The following KIAA2012 variants were observed in gnomAD, a reference collection of about 807,000 sequenced individuals.
The protein encoded by KIAA2012 is KIAA2012, also known as uncharacterized protein KIAA2012.
In KIAA2012, 125 loss-of-function variants were observed where a neutral mutation model predicts 150.6. The ratio of observed to expected loss-of-function variants is 0.83; its 90% CI spans 0.72 to 0.96. The LOEUF is 0.96. KIAA2012 is among the 40% of genes least tolerant of loss of function. KIAA2012 has a pLI of 0.00. For missense variants in KIAA2012, 1,219 were observed against 1,354.9 expected, an observed-to-expected ratio of 0.90 and a Z score of 1.57; for synonymous variants, 462 against 504.7, an observed-to-expected ratio of 0.92 and a Z score of 1.13.
intron 22 of KIAA2012, among the ~76,000 whole-genome samples, chr2:202,200,443 G>A (rs1350632426): frequency 3.3e-5 from 5 of 152,170 alleles, no homozygotes; most frequent in East Asian, 1.9e-4. Context: ...GGGCACAGAG[G>A]GGGTTTCAGA....
intron 11 of KIAA2012, among the ~76,000 whole-genome samples, chr2:202,119,809 C>T (rs115834978): frequency 0.017 from 2,659 of 152,292 alleles, 75 homozygotes; most frequent in African/African-American, 0.059. Context: ...TCGAGACCAA[C>T]CTGAGTGATA....
At chr2:202,162,166 A>G (rs2030489) in intron 14 of KIAA2012, among the ~76,000 whole-genome samples, 149,432 of 152,108 alleles carry the variant, frequency 0.98, 73,449 homozygotes, top group East Asian at 1. Flanking sequence ...TCCCCTTCCT[A>G]GAATGTATAA....
At chr2:202,120,902 T>G (rs1559211496) in intron 11 of KIAA2012, among the ~76,000 whole-genome samples, 1 of 152,220 alleles carries the variant, frequency 6.6e-6, no homozygotes, top group Non-Finnish European at 1.5e-5. Flanking sequence ...AGCTAAATTC[T>G]AATAATAGAA....
Position 202,090,802 on chromosome 2 carries a change from C to T in KIAA2012, c.402C>T (p.Leu134=). ...GEQDRAWQPY[L]HFRSQLESQA... ...AGGACAGAGCCTGGCAACCATACCT[C>T]CACTTCCGAAGCCAGCTGGAGAGCC... Residue 134 remains leucine, a synonymous_variant, in exon 3 of 24, where the codon CTC becomes CTT. Coordinates refer to ENST00000498697, the MANE Select transcript of KIAA2012 (RefSeq NM_001277372.4). The T allele has an allele frequency of 1.3e-6, 2 of 1,550,560 alleles. No individual in the cohort carries two copies. Among genetic ancestry groups the T allele is most frequent in the Non-Finnish European group, 1.7e-6 (2 of 1,146,938 alleles).
chr2:202,142,264 C>G (rs1224263955), intron 13 of KIAA2012, among the ~76,000 whole-genome samples: 1 of 152,168 alleles, frequency 6.6e-6, no homozygotes, highest in African/African-American at 2.4e-5. Flanking sequence ...TGGTGGAACA[C>G]AGTCTTGGTT....
intron 22 of KIAA2012, among the ~76,000 whole-genome samples, chr2:202,198,161 C>G (rs1393735989): frequency 3.0e-5 from 3 of 100,652 alleles, no homozygotes; most frequent in Non-Finnish European, 5.5e-5. Context: ...GCGACAAGAG[C>G]AAGGCTCTTT....
Position 202,104,980 on chromosome 2 carries a change from C to G in KIAA2012, c.1325-781C>G, listed in dbSNP as rs574378913. ...CTTAAAGCCAGATGCACTGAGCTTA[C>G]CAACACACTGACAATGAAACACAGG... On this transcript the variant is annotated intron_variant, in intron 8 of 23. Transcript: ENST00000498697. The surrounding 1 kb of genome is among the most constrained non-coding windows in gnomAD (Gnocchi z 4.3). Among the ~76,000 whole-genome samples the G allele has an allele frequency of 6.6e-6, 1 of 152,310 alleles. No individual in the cohort carries two copies. The highest frequency in any genetic ancestry group is 2.4e-5 in the African/African-American group (1 of 41,564).
At chr2:202,156,658 GGC>G (rs1691533941) in intron 14 of KIAA2012, among the ~76,000 whole-genome samples, 1 of 152,164 alleles carries the variant, frequency 6.6e-6, no homozygotes, top group Non-Finnish European at 1.5e-5. Context: ...GGCCAAGGCG[GGC>G]AGATCACGAG....
intron 13 of KIAA2012, 131 bp downstream of exon 13, chr2:202,138,639 G>A (rs538383236): frequency 6.6e-6 from 4 of 607,668 alleles, no homozygotes; most frequent in South Asian, 6.4e-5. Context: ...AGTAAAATGA[G>A]ACAAGTAGAC....
intron 11 of KIAA2012, among the ~76,000 whole-genome samples, chr2:202,124,188 T>A (rs927829499): frequency 6.6e-5 from 10 of 152,086 alleles, no homozygotes; most frequent in Non-Finnish European, 1.0e-4. Flanking sequence ...CGAAACTCTA[T>A]CTCAAAAAAT....
At chr2:202,131,872 G>A (rs1690937973) in intron 12 of KIAA2012, among the ~76,000 whole-genome samples, 1 of 152,114 alleles carries the variant, frequency 6.6e-6, no homozygotes, top group Admixed American at 6.5e-5. Context: ...AGATCATAAA[G>A]GGCCATAGAA....
At chr2:202,152,267 TC>T (rs1574294135) in intron 13 of KIAA2012, among the ~76,000 whole-genome samples, 1 of 152,156 alleles carries the variant, frequency 6.6e-6, no homozygotes, top group East Asian at 1.9e-4. Context: ...CTCAAAACAT[TC>T]CATCAAGTTA....
intron 15 of KIAA2012, among the ~76,000 whole-genome samples, 188 bp from the exon 16 acceptor site, chr2:202,184,564 AT>A (rs1188978150): frequency 6.6e-6 from 1 of 152,102 alleles, no homozygotes; most frequent in African/African-American, 2.4e-5. Flanking sequence ...TTTAATACTA[AT>A]TTTAATGTTA....
intron 15 of KIAA2012, among the ~76,000 whole-genome samples, chr2:202,175,685 T>C (rs1049588418): frequency 6.6e-6 from 1 of 152,248 alleles, no homozygotes; most frequent in Non-Finnish European, 1.5e-5. Flanking sequence ...ATCTTGAACT[T>C]TCCAGCCTCT....
chr2:202,124,175 G>C (rs1392779354), intron 11 of KIAA2012, among the ~76,000 whole-genome samples: 3 of 152,120 alleles, frequency 2.0e-5, no homozygotes, highest in Admixed American at 6.5e-5. Flanking sequence ...CCTGGTGACA[G>C]AGCGAAACTC....
intron 11 of KIAA2012, chr2:202,115,196 C>A (rs539831772): frequency 1.3e-5 from 2 of 152,060 alleles, no homozygotes; most frequent in African/African-American, 4.8e-5. Flanking sequence ...AAAGTAATTG[C>A]GGTTTTGCCA....
At chr2:202,185,442 GC>G (rs1481197197) in intron 16 of KIAA2012, among the ~76,000 whole-genome samples, 1 of 152,050 alleles carries the variant, frequency 6.6e-6, no homozygotes, top group Non-Finnish European at 1.5e-5. Flanking sequence ...GCTGTCACCT[GC>G]CCAGGGATGT....
At position 202,125,077 on chromosome 2, in the gene KIAA2012, T is replaced by A. The variant is rs561892632; in HGVS notation, c.1763-137T>A. ...AGAAAGAGACTCCATCTCAAAAATT[T>A]AAAAAAAAGAAACAGTTCATTGCAA... is the stretch of plus-strand genomic sequence containing the variant. On this transcript the variant is annotated intron_variant, in intron 11 of 23. Transcript: ENST00000498697. 22 of 709,114 alleles carry A rather than the reference T, an allele frequency of 3.1e-5. No homozygotes were observed. The Middle Eastern group carries it at 1.3e-3, about 41-fold the overall frequency. 43.9% of individuals were successfully genotyped at this position (709,114 alleles called of 1,614,324 possible). A position where few individuals can be genotyped will look rare whatever the true frequency, so the allele number is the denominator to read the frequency against.
Position 202,193,446 on chromosome 2 carries a change from CA to C in KIAA2012, c.2963del (p.Lys988ArgfsTer19). ...RQLQQEQLERAKKMEEELELE... is the reference protein window; with the variant it reads ...RQLQQEQLERXKKMEEELELE... ...CTCCAGCAGGAGCAGCTGGAGAGAG[CA>C]AAAAAGATGGAGGAGGAGCTGGAGC... On this transcript the variant is annotated frameshift_variant, in exon 20 of 24. Transcript: ENST00000498697. LOFTEE classifies it high-confidence loss of function. 6.5e-7 allele frequency: 1 copy of C among 1,550,070 alleles called. No homozygotes were observed. The highest frequency in any genetic ancestry group is 8.7e-7 in the Non-Finnish European group (1 of 1,146,826).
Sources: gnomAD v4.1 joint callset for allele counts (sites outside exome capture counted in the v4.1 genomes callset) on GRCh38, gnomAD v4.1.1 for gene constraint, Gnocchi (gnomAD v3.1) non-coding constraint, MANE v1.5 for transcripts, NCBI Gene and HGNC (gene_info 2026-07-23, HGNC 2026-07-21) for gene names.